The following CHCHD3 variants were observed in gnomAD, a reference collection of about 807,000 sequenced individuals.
CHCHD3 encodes MICOS complex subunit MIC19.
CHCHD3 carries 20 observed loss-of-function variants against 38.2 expected under a neutral mutation model. The ratio of observed to expected loss-of-function variants is 0.52; its 90% CI spans 0.37 to 0.76. The LOEUF is 0.76. Ranked by LOEUF, CHCHD3 falls within the 30% of genes least tolerant of loss-of-function variation. The probability of loss-of-function intolerance (pLI) is 0.00; values close to 1 mark genes in which losing one functional copy is unlikely to be tolerated. For synonymous variants in CHCHD3, 82 were observed against 100.0 expected (o/e 0.82, Z 1.07); for missense variants, 245 against 279.2 (o/e 0.88, Z 0.87).
At chr7:132,820,423 C>A (rs921907338) in intron 6 of CHCHD3, among the ~76,000 whole-genome samples, 1 of 152,128 alleles carries the variant, frequency 6.6e-6, no homozygotes, top group Admixed American at 6.5e-5. Flanking sequence ...TTGAAAACAA[C>A]AGGAGGGACT....
intron 2 of CHCHD3, among the ~76,000 whole-genome samples, chr7:133,067,201 T>G (rs770895345): frequency 5.3e-5 from 8 of 152,226 alleles, no homozygotes; most frequent in Non-Finnish European, 1.0e-4. Flanking sequence ...AAATTTTAAG[T>G]GTCATCTATC....
chr7:132,815,361 T>C lies in CHCHD3; in HGVS notation c.525-18784A>G, dbSNP rs1217814883. On this transcript the variant is annotated intron_variant, in intron 6 of 7. Coordinates refer to ENST00000262570, the MANE Select transcript of CHCHD3 (RefSeq NM_017812.4). ...CCAAAGGTTAATATGTTTGCATATA[T>C]TACAAATGCTAAGCAAAATGGAATG... is the stretch of plus-strand genomic sequence containing the variant. 9.5e-6 allele frequency: 3 copies of C among 317,386 alleles called. No homozygotes were observed. The East Asian group carries it at 2.6e-4, about 28-fold the overall frequency. 19.7% of individuals were successfully genotyped at this position (317,386 alleles called of 1,614,324 possible). A position where few individuals can be genotyped will look rare whatever the true frequency, so the allele number is the denominator to read the frequency against.
At chr7:132,871,773 C>T (rs531872114) in intron 5 of CHCHD3, among the ~76,000 whole-genome samples, 1 of 152,262 alleles carries the variant, frequency 6.6e-6, no homozygotes, top group South Asian at 2.1e-4. Context: ...GTCACAGGTA[C>T]CTACCATGCA....
chr7:132,893,997 A>G (rs1809433520), intron 4 of CHCHD3, among the ~76,000 whole-genome samples: 1 of 152,258 alleles, frequency 6.6e-6, no homozygotes, highest in Admixed American at 6.5e-5. Flanking sequence ...AAGAATGCAG[A>G]GCCAAAAATG....
intron 6 of CHCHD3, among the ~76,000 whole-genome samples, chr7:132,821,852 T>A (rs1807385384): frequency 6.7e-6 from 1 of 149,368 alleles, no homozygotes; most frequent in Non-Finnish European, 1.5e-5. Context: ...AAGCTCCGCT[T>A]CCCGGGTTCA....
chr7:132,817,301 C>G (rs953188018), intron 6 of CHCHD3, among the ~76,000 whole-genome samples: 1 of 151,668 alleles, frequency 6.6e-6, no homozygotes, highest in Non-Finnish European at 1.5e-5. Context: ...AAGGAAAACA[C>G]AGCTGCCTTC....
intron 3 of CHCHD3, among the ~76,000 whole-genome samples, chr7:132,990,230 G>A (rs1193239782): frequency 6.6e-6 from 1 of 152,136 alleles, no homozygotes; most frequent in African/African-American, 2.4e-5. Context: ...AAATGCTCAT[G>A]CTTGACCTAT....
chr7:133,023,894 G>T (rs1182018311), intron 3 of CHCHD3, among the ~76,000 whole-genome samples: 3 of 151,946 alleles, frequency 2.0e-5, no homozygotes, highest in African/African-American at 7.3e-5. Context: ...GGTTTGGATT[G>T]CTTCCAATTT....
At chr7:132,934,377 T>C (rs1421560884) in intron 4 of CHCHD3, among the ~76,000 whole-genome samples, 1 of 152,130 alleles carries the variant, frequency 6.6e-6, no homozygotes, top group East Asian at 1.9e-4. Flanking sequence ...CTCTGGAGGA[T>C]TTCTATATCC....
At chr7:133,004,078 G>A (rs1441535503) in intron 3 of CHCHD3, among the ~76,000 whole-genome samples, 1 of 151,808 alleles carries the variant, frequency 6.6e-6, no homozygotes. Context: ...AGCCTCCCAA[G>A]TAGCTGGGAT....
At chr7:132,841,978 A>G (rs1807951373) in intron 5 of CHCHD3, among the ~76,000 whole-genome samples, 1 of 152,058 alleles carries the variant, frequency 6.6e-6, no homozygotes, top group East Asian at 1.9e-4. Context: ...CATGCCTGTA[A>G]TCCCAGCTAC....
intron 4 of CHCHD3, among the ~76,000 whole-genome samples, chr7:132,940,060 G>A (rs886630175): frequency 6.6e-6 from 1 of 152,022 alleles, no homozygotes; most frequent in Non-Finnish European, 1.5e-5. Context: ...ACTCCCATTA[G>A]CAATATTAGT....
intron 5 of CHCHD3, among the ~76,000 whole-genome samples, chr7:132,867,359 C>T (rs945466703): frequency 6.6e-6 from 1 of 152,050 alleles, no homozygotes; most frequent in African/African-American, 2.4e-5. Flanking sequence ...CTTTTAAAAC[C>T]TTAAAGCCTT....
At chr7:132,915,672 T>G (rs1810083722) in intron 4 of CHCHD3, among the ~76,000 whole-genome samples, 2 of 152,194 alleles carry the variant, frequency 1.3e-5, no homozygotes, top group Non-Finnish European at 2.9e-5. Flanking sequence ...TCCCTAAGCA[T>G]TAATCCCACC....
At chr7:132,822,184 C>T (rs1386035272) in intron 6 of CHCHD3, among the ~76,000 whole-genome samples, 3 of 152,114 alleles carry the variant, frequency 2.0e-5, no homozygotes, top group Admixed American at 6.5e-5. Flanking sequence ...AGCTTCTCAG[C>T]GCTTCACTTT....
At chr7:133,041,262 AC>A (rs1190035792) in intron 2 of CHCHD3, among the ~76,000 whole-genome samples, 1 of 152,204 alleles carries the variant, frequency 6.6e-6, no homozygotes, top group Non-Finnish European at 1.5e-5. Flanking sequence ...TCATTAGATT[AC>A]ATTTTAGTTC....
intron 5 of CHCHD3, among the ~76,000 whole-genome samples, chr7:132,842,338 GA>G (rs1342731904): frequency 6.6e-6 from 1 of 152,066 alleles, no homozygotes; most frequent in Non-Finnish European, 1.5e-5. Flanking sequence ...TTTTTATTGT[GA>G]AAAAATTTTA....
chr7:133,010,077 T>C (rs1255338050), intron 3 of CHCHD3, among the ~76,000 whole-genome samples: 1 of 152,164 alleles, frequency 6.6e-6, no homozygotes, highest in Non-Finnish European at 1.5e-5. Flanking sequence ...TCCTAAACAC[T>C]ATGAAAATCT....
intron 5 of CHCHD3, among the ~76,000 whole-genome samples, chr7:132,859,615 T>A (rs1158677861): frequency 6.6e-6 from 1 of 152,250 alleles, no homozygotes; most frequent in Non-Finnish European, 1.5e-5. Context: ...ATCTTTGGCT[T>A]TTGTCCAGCC....
Sources: allele counts gnomAD v4.1 joint callset (sites outside exome capture counted in the v4.1 genomes callset), GRCh38; gene constraint gnomAD v4.1.1; transcripts MANE v1.5; gene names NCBI Gene and HGNC (gene_info 2026-07-23, HGNC 2026-07-21).